The following ZDHHC14 variants were observed in gnomAD, a reference collection of about 807,000 sequenced individuals.
ZDHHC14 encodes the protein zDHHC palmitoyltransferase 14.
Under a neutral mutation model 47.7 loss-of-function variants are expected in ZDHHC14, and 16 were observed. That is an observed-to-expected ratio of 0.34 (90% confidence interval 0.23 to 0.51). The LOEUF is 0.51. Ranked by LOEUF, ZDHHC14 falls within the 20% of genes least tolerant of loss-of-function variation. The pLI is 0.97. For missense variants in ZDHHC14, 515 were observed against 662.5 expected (o/e 0.78, Z 2.44); for synonymous variants, 293 against 278.9 (o/e 1.05, Z -0.50).
At chr6:157,542,871 G>C in intron 2 of ZDHHC14, 126 bp downstream of exon 2, 6 of 1,173,658 alleles carry the variant, frequency 5.1e-6, no homozygotes, top group Non-Finnish European at 7.0e-6. Flanking sequence ...CCAGAAGTCA[G>C]CGTTCCTTAG....
At chr6:157,484,686 C>T (rs987477012) in intron 1 of ZDHHC14, among the ~76,000 whole-genome samples, 2 of 151,340 alleles carry the variant, frequency 1.3e-5, no homozygotes, top group Non-Finnish European at 2.9e-5. Context: ...TTACCATGGG[C>T]GATTTTTGTG....
chr6:157,472,279 C>G lies in ZDHHC14; in HGVS notation c.246-70306C>G, dbSNP rs143080298. Among the ~76,000 whole-genome samples the G allele has an allele frequency of 7.7e-3, 1,175 of 152,206 alleles. 14 individuals are homozygous for G. The highest frequency in any genetic ancestry group is 0.027 in the African/African-American group (1,130 of 41,540). On this transcript the variant is annotated intron_variant, in intron 1 of 8. Coordinates refer to ENST00000359775, the MANE Select transcript of ZDHHC14 (RefSeq NM_024630.3). ...GGTGACCCATCAGCCCAGGAGGAGA[C>G]CTGGGGCCTTGAAACCAACCCCCTT...
intron 2 of ZDHHC14, among the ~76,000 whole-genome samples, chr6:157,546,416 A>C (rs1781974648): frequency 6.6e-6 from 1 of 152,164 alleles, no homozygotes; most frequent in South Asian, 2.1e-4. Flanking sequence ...CCATCTGAGT[A>C]ATTTATTGAA....
chr6:157,397,711 G>A (rs536155301), intron 1 of ZDHHC14, among the ~76,000 whole-genome samples: 1 of 152,274 alleles, frequency 6.6e-6, no homozygotes, highest in African/African-American at 2.4e-5. Context: ...TGTTTTTGGG[G>A]GAACGTTATT....
intron 1 of ZDHHC14, among the ~76,000 whole-genome samples, chr6:157,456,997 T>TAATAAATAAATAAATA (rs557075276): frequency 0.068 from 10,047 of 146,890 alleles, 429 homozygotes; most frequent in Middle Eastern, 0.1. Flanking sequence ...AAAAATACAA[T>TAATAAATAAATAAATA]AATAAATAAA....
intron 1 of ZDHHC14, among the ~76,000 whole-genome samples, chr6:157,448,186 GT>G (rs1321934758): frequency 6.6e-6 from 1 of 152,070 alleles, no homozygotes; most frequent in Non-Finnish European, 1.5e-5. Flanking sequence ...CCTAAAACAT[GT>G]TTTTATTTTA....
At chr6:157,639,234 C>T (rs1174522298) in intron 5 of ZDHHC14, among the ~76,000 whole-genome samples, 1 of 152,236 alleles carries the variant, frequency 6.6e-6, no homozygotes, top group African/African-American at 2.4e-5. Flanking sequence ...GTCCCTTCAT[C>T]CCCTGCATGC....
At chr6:157,636,069 A>T (rs1405852865) in intron 5 of ZDHHC14, among the ~76,000 whole-genome samples, 2 of 152,078 alleles carry the variant, frequency 1.3e-5, no homozygotes, top group Non-Finnish European at 1.5e-5. Flanking sequence ...TGCTGACCGC[A>T]TGCAGGTCCT....
chr6:157,673,858 T>C lies in ZDHHC14; in HGVS notation c.*736T>C, dbSNP rs1398307363. On this transcript the variant is annotated 3_prime_UTR_variant, in exon 9 of 9. Coordinates refer to ENST00000359775, the MANE Select transcript of ZDHHC14 (RefSeq NM_024630.3). This position sits in a 1 kb window ranked among gnomAD's most constrained non-coding sequence, Gnocchi z 5.4. The stretch of plus-strand genomic sequence containing the variant: ...GATGAGGTCTCGTGTTGAGATATTG[T>C]GTGCCACAACCCCCACAGTCTTCAC... 1 of 152,602 alleles carries C rather than the reference T, an allele frequency of 6.6e-6. No individual in the cohort carries two copies. The highest frequency in any genetic ancestry group is 6.6e-5 in the Admixed American group (1 of 15,266). The allele number at this position is 152,602 out of a possible 1,614,324, so 9.5% of individuals were successfully genotyped here.
chr6:157,651,658 T>C (rs959555036), intron 7 of ZDHHC14, among the ~76,000 whole-genome samples: 1 of 152,046 alleles, frequency 6.6e-6, no homozygotes, highest in East Asian at 1.9e-4. Flanking sequence ...AACTTCTGCC[T>C]CCCAGGTTCA....
chr6:157,657,558 A>G (rs1169108677), intron 8 of ZDHHC14, among the ~76,000 whole-genome samples: 1 of 152,194 alleles, frequency 6.6e-6, no homozygotes. Context: ...TCTCAGGATC[A>G]AGGTCTTGCT....
intron 1 of ZDHHC14, among the ~76,000 whole-genome samples, chr6:157,467,340 G>C (rs1779243193): frequency 6.6e-6 from 1 of 151,770 alleles, no homozygotes; most frequent in South Asian, 2.1e-4. Flanking sequence ...CACCACCCCT[G>C]CCTGGCCTAG....
intron 2 of ZDHHC14, among the ~76,000 whole-genome samples, chr6:157,547,450 G>C (rs1185911885): frequency 1.3e-5 from 2 of 151,860 alleles, no homozygotes; most frequent in East Asian, 3.9e-4. Context: ...ATCCTAGACA[G>C]AGCATCCCCT....
At chr6:157,621,654 G>A (rs1295897320) in intron 3 of ZDHHC14, among the ~76,000 whole-genome samples, 2 of 152,092 alleles carry the variant, frequency 1.3e-5, no homozygotes, top group Non-Finnish European at 2.9e-5. Context: ...ATTGAACTCT[G>A]GATCCACTCT....
chr6:157,587,856 C>T (rs926042536), intron 2 of ZDHHC14, among the ~76,000 whole-genome samples: 1 of 152,202 alleles, frequency 6.6e-6, no homozygotes, highest in African/African-American at 2.4e-5. Flanking sequence ...CACAGTGGCT[C>T]ATGCCTGTAA....
chr6:157,609,461 T>G (rs1288654544), intron 3 of ZDHHC14, among the ~76,000 whole-genome samples: 2 of 152,184 alleles, frequency 1.3e-5, no homozygotes, highest in Non-Finnish European at 2.9e-5. Flanking sequence ...CTCAGGATGC[T>G]CCCTTTATCC....
intron 5 of ZDHHC14, among the ~76,000 whole-genome samples, 163 bp downstream of exon 5, chr6:157,633,045 A>G (rs374599899): frequency 1.3e-5 from 2 of 152,156 alleles, no homozygotes; most frequent in African/African-American, 4.8e-5. Flanking sequence ...GCTTCTGACT[A>G]CTTCCATCCC....
intron 1 of ZDHHC14, among the ~76,000 whole-genome samples, chr6:157,487,167 C>A (rs996200071): frequency 6.6e-6 from 1 of 152,202 alleles, no homozygotes; most frequent in South Asian, 2.1e-4. Flanking sequence ...CCCCTTTGAC[C>A]CCGGCCCTGG....
chr6:157,608,635 G>C (rs922387396), intron 3 of ZDHHC14, among the ~76,000 whole-genome samples: 1 of 152,338 alleles, frequency 6.6e-6, no homozygotes, highest in African/African-American at 2.4e-5. Flanking sequence ...ACTCAGGTCA[G>C]AGTGAGTCAG....
Sources: gnomAD v4.1 joint callset for allele counts (sites outside exome capture counted in the v4.1 genomes callset) on GRCh38, gnomAD v4.1.1 for gene constraint, Gnocchi (gnomAD v3.1) non-coding constraint, MANE v1.5 for transcripts, NCBI Gene and HGNC (gene_info 2026-07-23, HGNC 2026-07-21) for gene names.